The following SEC14L3 variants were observed in gnomAD, a reference collection of about 807,000 sequenced individuals.
SEC14L3 encodes SEC14-like protein 3.
A neutral mutation model predicts 57.4 loss-of-function variants in SEC14L3; 56 were observed. The ratio of observed to expected loss-of-function variants is 0.97; its 90% CI spans 0.79 to 1.22. The LOEUF (loss-of-function observed/expected upper bound fraction) is 1.22. SEC14L3 is among the 50% of genes most tolerant of loss of function. The pLI is 0.00. For synonymous variants in SEC14L3, 173 were observed against 194.4 expected, an observed-to-expected ratio of 0.89 and a Z score of 0.92; for missense variants, 485 against 511.7, an observed-to-expected ratio of 0.95 and a Z score of 0.50.
chr22:30,466,425 G>A, intron 6 of SEC14L3, 31 bp from the exon 7 acceptor site: 1 of 1,613,916 alleles, frequency 6.2e-7, no homozygotes, highest in Non-Finnish European at 8.5e-7. Flanking sequence ...CCTTCAGAGA[G>A]CACATCACAT....
At chr22:30,458,359 C>T (rs998043537), downstream of SEC14L3, among the ~76,000 whole-genome samples, 1 of 152,158 alleles carries the variant, frequency 6.6e-6, no homozygotes, top group African/African-American at 2.4e-5. Flanking sequence ...AAGCCCTGCC[C>T]CACTCTGCTG....
downstream of SEC14L3, among the ~76,000 whole-genome samples, chr22:30,455,324 C>T (rs1004492311): frequency 1.4e-5 from 2 of 146,604 alleles, no homozygotes; most frequent in African/African-American, 5.1e-5. Context: ...CCTCGGCTCA[C>T]TGCAACCTCC....
chr22:30,452,010 GAA>G (rs1226997169), intron 12 of SEC14L3, among the ~76,000 whole-genome samples: 92 of 110,010 alleles, frequency 8.4e-4, no homozygotes, highest in African/African-American at 3.1e-3. Context: ...AAAAAAAAAA[GAA>G]AAAAGAAAAG....
chr22:30,455,482 G>A (rs1935105017), downstream of SEC14L3, among the ~76,000 whole-genome samples: 1 of 151,686 alleles, frequency 6.6e-6, no homozygotes, highest in Admixed American at 6.6e-5. Flanking sequence ...GACCTCAAGT[G>A]GTCCAGCTGC....
intron 1 of SEC14L3, among the ~76,000 whole-genome samples, chr22:30,471,009 G>T (rs1473943587): frequency 6.6e-6 from 1 of 152,170 alleles, no homozygotes; most frequent in African/African-American, 2.4e-5. Flanking sequence ...AAACAGCCAG[G>T]TATGGTGGCT....
At chr22:30,457,298 G>T (rs932012361), downstream of SEC14L3, among the ~76,000 whole-genome samples, 2 of 151,292 alleles carry the variant, frequency 1.3e-5, no homozygotes, top group Admixed American at 6.6e-5. Context: ...TTCCCTCATT[G>T]GTAGGATTGT....
intron 11 of SEC14L3, 82 bp downstream of exon 11, chr22:30,461,228 C>A (rs1435939475): frequency 3.3e-6 from 5 of 1,495,672 alleles, no homozygotes; most frequent in African/African-American, 1.4e-5. Flanking sequence ...AGGTGTGTCA[C>A]TGCCCCTCTG....
At chr22:30,462,661 G>T (rs996165969) in intron 8 of SEC14L3, among the ~76,000 whole-genome samples, 1 of 151,898 alleles carries the variant, frequency 6.6e-6, no homozygotes, top group South Asian at 2.1e-4. Context: ...GGGCTCAAAT[G>T]ATTGTCTTAC....
rs535209662 is a variant in SEC14L3 at position 30,453,513 on chromosome 22, A to G, written c.905-4269T>C. 8.0e-4 allele frequency among the ~76,000 whole-genome samples: 122 copies of G among 152,200 alleles called. 1 individual carries two copies. Among genetic ancestry groups the G allele is most frequent in the African/African-American group, 2.8e-3 (118 of 41,544 alleles). On this transcript the variant is annotated intron_variant, in intron 12 of 12. Transcript: ENST00000403066. ...CTGCAACCTCCACCTCCCGAGTCCA[A>G]GTGATTGTCCTGCCTTAGCCTCCCG... is the stretch of plus-strand genomic sequence containing the variant.
At chr22:30,462,586 T>C (rs1182451383) in intron 8 of SEC14L3, among the ~76,000 whole-genome samples, 5 of 151,946 alleles carry the variant, frequency 3.3e-5, no homozygotes, top group African/African-American at 7.3e-5. Flanking sequence ...TTTATTTGGT[T>C]TTGTTTGGTT....
chr22:30,454,901 AT>A (rs1235502803), downstream of SEC14L3, among the ~76,000 whole-genome samples: 1 of 43,162 alleles, frequency 2.3e-5, no homozygotes, highest in Non-Finnish European at 3.6e-5. Context: ...TATAATAGAT[AT>A]ATAATATATT....
chr22:30,456,880 G>T (rs1935128434), downstream of SEC14L3, among the ~76,000 whole-genome samples: 1 of 152,224 alleles, frequency 6.6e-6, no homozygotes, highest in African/African-American at 2.4e-5. Flanking sequence ...CACAGTGGGA[G>T]CTGGCTTGCC....
chr22:30,463,936 T>C (rs1455850318), intron 8 of SEC14L3, among the ~76,000 whole-genome samples: 1 of 152,224 alleles, frequency 6.6e-6, no homozygotes, highest in Non-Finnish European at 1.5e-5. Flanking sequence ...TGTAGAAATA[T>C]GTATTTATTG....
chr22:30,458,477 G>T (rs1460640336), downstream of SEC14L3, among the ~76,000 whole-genome samples: 1 of 152,186 alleles, frequency 6.6e-6, no homozygotes, highest in Admixed American at 6.5e-5. Context: ...CACTTCTACT[G>T]GAAGGTCTAG....
At chr22:30,452,955 C>A (rs1432998897) in intron 12 of SEC14L3, among the ~76,000 whole-genome samples, 2 of 152,050 alleles carry the variant, frequency 1.3e-5, no homozygotes, top group Non-Finnish European at 1.5e-5. Flanking sequence ...TATACTCAAG[C>A]AATCAGCCCA....
chr22:30,467,064 ATCT>A lies in SEC14L3; in HGVS notation c.434_436del (p.Lys145del). 6.2e-7 allele frequency: 1 copy of A among 1,614,070 alleles called. No individual in the cohort carries two copies. The highest frequency in any genetic ancestry group is 8.5e-7 in the Non-Finnish European group (1 of 1,179,930). ...GTCAAATATCATCACGATGGTCTCAATCTTCTTCCCTAGCTGCAAGGATGAGAG... is the reference window on the plus strand; with the variant it reads ...GTCAAATATCATCACGATGGTCTCAATCTTCCCTAGCTGCAAGGATGAGAG... On this transcript the variant is annotated inframe_deletion, in exon 6 of 12. Transcript: ENST00000215812.
chr22:30,461,617 C>G lies in SEC14L3; in HGVS notation c.849G>C (p.Gln283His), dbSNP rs777840691. The change falls in exon 10 of 12, where the codon CAG becomes CAC. Residue 283 changes from glutamine (Q) to histidine (H), a missense_variant. Physicochemically the swap from Gln to His is conservative, Grantham distance 24. Coordinates refer to ENST00000215812, the MANE Select transcript of SEC14L3 (RefSeq NM_174975.5). ...QVKTQYEHSV[Q>H]INRGSSHQVE... is the part of the protein sequence containing the mutation. ...CTTGGTGTGATGAGCCGCGGTTGAT[C>G]TGCACCGAGTGCTCGTACTGAGTCT... 6.2e-7 allele frequency: 1 copy of G among 1,614,148 alleles called. No homozygotes were observed. The highest frequency in any genetic ancestry group is 1.1e-5 in the South Asian group (1 of 91,084).
At chr22:30,462,507 A>G (rs1935299390) in intron 8 of SEC14L3, among the ~76,000 whole-genome samples, 1 of 152,112 alleles carries the variant, frequency 6.6e-6, no homozygotes. Context: ...CCTGGGCTCA[A>G]GTGATCCTCC....
intron 4 of SEC14L3, among the ~76,000 whole-genome samples, chr22:30,469,363 C>T (rs1050091695): frequency 6.6e-6 from 1 of 151,952 alleles, no homozygotes. Context: ...TGTCCTTGAG[C>T]AAGTGACACC....
Sources: allele counts gnomAD v4.1 joint callset (sites outside exome capture counted in the v4.1 genomes callset), GRCh38; gene constraint gnomAD v4.1.1; transcripts MANE v1.5; gene names NCBI Gene and HGNC (gene_info 2026-07-23, HGNC 2026-07-21).